SFMBT2: variants seen among roughly 807,000 people sequenced by gnomAD.
SFMBT2 encodes Scm like with four mbt domains 2.
A neutral mutation model predicts 110.1 loss-of-function variants in SFMBT2; 38 were observed. The observed-to-expected ratio is 0.35, with a 90% CI of 0.27 to 0.45. The LOEUF is 0.45. Among genes scored for constraint, SFMBT2 ranks in the 20% least tolerant of loss-of-function variants. SFMBT2 has a pLI of 1.00. For missense variants in SFMBT2, 1,011 were observed against 1,094.9 expected (o/e 0.92, Z 1.08); for synonymous variants, 425 against 425.4 (o/e 1.00, Z 0.01).
intron 7 of SFMBT2, among the ~76,000 whole-genome samples, chr10:7,272,933 C>T (rs1332298571): frequency 2.6e-5 from 4 of 152,234 alleles, no homozygotes; most frequent in Non-Finnish European, 5.9e-5. Context: ...GCTGGGATTA[C>T]AGATGCATGC....
chr10:7,345,366 C>G (rs1186818322), intron 4 of SFMBT2, among the ~76,000 whole-genome samples: 1 of 152,076 alleles, frequency 6.6e-6, no homozygotes, highest in Non-Finnish European at 1.5e-5. Context: ...TTTATTTTTA[C>G]TTGTTGTTTT....
intron 20 of SFMBT2, among the ~76,000 whole-genome samples, chr10:7,164,956 C>T (rs981627775): frequency 6.6e-6 from 1 of 152,144 alleles, no homozygotes; most frequent in African/African-American, 2.4e-5. Flanking sequence ...TACAAAGACC[C>T]ACTCCAAAGC....
intron 1 of SFMBT2, among the ~76,000 whole-genome samples, chr10:7,391,752 T>C (rs1171553380): frequency 6.6e-6 from 1 of 152,256 alleles, no homozygotes. Flanking sequence ...TATGTTTCTA[T>C]AGTATCTCCT....
rs982311772 is a variant in SFMBT2, at chr10:7,345,138, A to G, written c.436+22511T>C. On this transcript the variant is annotated intron_variant, in intron 4 of 20. Coordinates refer to ENST00000397167, the MANE Select transcript of SFMBT2 (RefSeq NM_001387889.1). ...CTCCGTGGAGGGAACAGAAACCACC[A>G]CAGAATCAGAAAGCTGAATGGCTTC... 1.4e-4 allele frequency among the ~76,000 whole-genome samples: 22 copies of G among 152,002 alleles called. 1 individual carries two copies. Among genetic ancestry groups the G allele is most frequent in the Non-Finnish European group, 4.4e-5 (3 of 67,990 alleles).
At chr10:7,351,881 A>T (rs947838605) in intron 4 of SFMBT2, among the ~76,000 whole-genome samples, 1 of 115,808 alleles carries the variant, frequency 8.6e-6, no homozygotes, top group African/African-American at 4.1e-5. Flanking sequence ...AAAAAAAAAA[A>T]TATATATATA....
intron 4 of SFMBT2, among the ~76,000 whole-genome samples, chr10:7,330,126 C>T (rs1463997002): frequency 1.3e-5 from 2 of 152,074 alleles, no homozygotes; most frequent in Non-Finnish European, 2.9e-5. Context: ...GGGTTGTAAA[C>T]GTTTTTTAGA....
At chr10:7,282,057 G>T (rs1841961453) in intron 6 of SFMBT2, among the ~76,000 whole-genome samples, 1 of 152,056 alleles carries the variant, frequency 6.6e-6, no homozygotes, top group African/African-American at 2.4e-5. Context: ...TATTGCCCCA[G>T]CTGGTCTCCA....
At chr10:7,256,852 T>C (rs1030256044) in intron 7 of SFMBT2, among the ~76,000 whole-genome samples, 1 of 152,246 alleles carries the variant, frequency 6.6e-6, no homozygotes, top group Admixed American at 6.5e-5. Flanking sequence ...CCTGAGAAGC[T>C]GGAAATTTAC....
Position 7,176,053 on chromosome 10 carries a change from T to A in SFMBT2, c.1921A>T (p.Ser641Cys), listed in dbSNP as rs1415907908. The stretch of plus-strand genomic sequence containing the variant: ...CAGTTTTCAGATATCAGCACAGGAC[T>A]AAACAAATTTGGACAGCACTCTAGC... The part of the protein sequence containing the change: ...AKLECCPNLF[S>C]PVLISENCPE... The change falls in exon 17 of 21, where the codon AGT (serine) becomes TGT (cysteine). Residue 641 changes from serine (S) to cysteine (C), a missense_variant. Ser to Cys is a moderately radical substitution (Grantham distance 112, BLOSUM62 -1). Coordinates refer to ENST00000397167, the MANE Select transcript of SFMBT2 (RefSeq NM_001387889.1). 1.2e-6 allele frequency: 2 copies of A among 1,614,098 alleles called. No homozygotes were observed. The highest frequency in any genetic ancestry group is 4.5e-5 in the East Asian group (2 of 44,896).
At chr10:7,248,457 C>T (rs566827966) in intron 8 of SFMBT2, 91 bp downstream of exon 8, 31 of 1,090,606 alleles carry the variant, frequency 2.8e-5, no homozygotes, top group East Asian at 1.2e-4. Flanking sequence ...TAGCCTTGCA[C>T]GAACATATGT....
At chr10:7,228,173 C>A (rs969046100) in intron 9 of SFMBT2, among the ~76,000 whole-genome samples, 1 of 152,204 alleles carries the variant, frequency 6.6e-6, no homozygotes, top group Admixed American at 6.5e-5. Flanking sequence ...AAGGGTGGAA[C>A]TTACCCATGG....
intron 4 of SFMBT2, chr10:7,348,431 T>C: frequency 3.9e-6 from 4 of 1,038,632 alleles, no homozygotes; most frequent in East Asian, 3.0e-5. Flanking sequence ...TGTGTAAATA[T>C]GTCATTAAGG....
In SFMBT2 at chr10:7,391,105, GTCAA is replaced by G. The variant is rs199932308; in HGVS notation, c.-51-9160_-51-9157del. ...ACAGAGTGAGACTCCGACTCACTCA[GTCAA>G]TCAATCAATCAATCAATAAAACTGA... On this transcript the variant is annotated intron_variant, in intron 1 of 20. Transcript: ENST00000397167. 7.5e-4 allele frequency among the ~76,000 whole-genome samples: 112 copies of G among 150,286 alleles called. 2 individuals carry two copies. In the East Asian group the frequency reaches 0.021, roughly 29 times the overall value.
chr10:7,348,258 G>A, intron 4 of SFMBT2: 1 of 1,496,356 alleles, frequency 6.7e-7, no homozygotes. Context: ...TTTCGTGACG[G>A]TCTCGAAGAA....
At chr10:7,311,825 T>C (rs1458981107) in intron 4 of SFMBT2, among the ~76,000 whole-genome samples, 2 of 152,194 alleles carry the variant, frequency 1.3e-5, no homozygotes, top group Non-Finnish European at 2.9e-5. Context: ...GTGCCGGAGT[T>C]AGTGGGCAGT....
rs561402471 is a variant in SFMBT2 at position 7,234,713 on chromosome 10, C to T, written c.1121-6776G>A. Among the ~76,000 whole-genome samples the T allele has an allele frequency of 2.6e-5, 4 of 152,178 alleles. No homozygotes were observed. The East Asian group carries it at 7.7e-4, about 29-fold the overall frequency. ...GATCTGACAGTCTCCCTACAGATATCAGATGAAATATAATTTTGAAAAATT... is the reference window on the plus strand; with the variant it reads ...GATCTGACAGTCTCCCTACAGATATTAGATGAAATATAATTTTGAAAAATT... On this transcript the variant is annotated intron_variant, in intron 9 of 20. Transcript: ENST00000397167.
In SFMBT2 at chr10:7,207,014, C is replaced by T. The variant is rs1290583015; in HGVS notation, c.1331-1086G>A. 3 of 683,978 alleles carry T rather than the reference C, an allele frequency of 4.4e-6. No individual in the cohort carries two copies. The Admixed American group carries it at 1.9e-4, about 43-fold the overall frequency. The allele number at this position is 683,978 out of a possible 1,614,324, so 42.4% of individuals were successfully genotyped here. On this transcript the variant is annotated intron_variant, in intron 11 of 20. Coordinates refer to ENST00000397167, the MANE Select transcript of SFMBT2 (RefSeq NM_001387889.1). ...GCCAAGGCCAGCAAATTGCTTGAGC[C>T]TAGGAGTTCAAGATCAGCCTCAGTA...
chr10:7,264,081 G>C (rs1351036921), intron 7 of SFMBT2: 1 of 244,116 alleles, frequency 4.1e-6, no homozygotes, highest in African/African-American at 2.3e-5. Context: ...TAGAGAGGGT[G>C]TCCATGCAGG....
intron 1 of SFMBT2, among the ~76,000 whole-genome samples, chr10:7,391,105 G>GTCAA (rs199932308): frequency 1.3e-5 from 2 of 150,164 alleles, no homozygotes; most frequent in South Asian, 2.1e-4. Context: ...GACTCACTCA[G>GTCAA]TCAATCAATC....
Sources: gnomAD v4.1 joint callset for allele counts (sites outside exome capture counted in the v4.1 genomes callset) on GRCh38, gnomAD v4.1.1 for gene constraint, MANE v1.5 for transcripts, NCBI Gene and HGNC (gene_info 2026-07-23, HGNC 2026-07-21) for gene names.